Variants in THSD7B observed in about 807,000 individuals in gnomAD.
THSD7B encodes the protein thrombospondin type-1 domain-containing protein 7B.
In THSD7B, 138 loss-of-function variants were observed where a neutral mutation model predicts 213.6. That is an observed-to-expected ratio of 0.65 (90% confidence interval 0.56 to 0.74). The LOEUF is 0.74. Ranked by LOEUF, THSD7B falls within the 30% of genes least tolerant of loss-of-function variation. The pLI, the probability that THSD7B is intolerant of heterozygous loss-of-function variation, is 0.00. For synonymous variants in THSD7B, 742 were observed against 687.0 expected, an observed-to-expected ratio of 1.08 and a Z score of -1.25; for missense variants, 1,931 against 1,991.5, an observed-to-expected ratio of 0.97 and a Z score of 0.58.
intron 15 of THSD7B, 44 bp downstream of exon 15, chr2:137,451,067 C>G: frequency 6.9e-7 from 1 of 1,457,446 alleles, no homozygotes. Flanking sequence ...AAAAGCTATC[C>G]TCATTATTAT....
At chr2:137,445,122 G>T (rs1017966553) in intron 14 of THSD7B, among the ~76,000 whole-genome samples, 3 of 151,948 alleles carry the variant, frequency 2.0e-5, no homozygotes, top group African/African-American at 7.2e-5. Context: ...CTCTAGTGAG[G>T]ATATGGAAAA....
At chr2:137,283,652 A>G (rs982707225) in intron 12 of THSD7B, among the ~76,000 whole-genome samples, 5 of 152,220 alleles carry the variant, frequency 3.3e-5, no homozygotes, top group African/African-American at 1.2e-4. Context: ...ATCTGTTGAG[A>G]TAATCATGTG....
chr2:136,943,829 C>A (rs1428596686), intron 2 of THSD7B, among the ~76,000 whole-genome samples: 1 of 152,282 alleles, frequency 6.6e-6, no homozygotes, highest in East Asian at 1.9e-4. Context: ...TTTCAAAAAA[C>A]CAGCTCCTCG....
At chr2:137,590,380 G>A (rs1573729827) in intron 17 of THSD7B, among the ~76,000 whole-genome samples, 1 of 152,136 alleles carries the variant, frequency 6.6e-6, no homozygotes, top group Admixed American at 6.5e-5. Context: ...TGCAGGACAG[G>A]CATCATGGCT....
intron 2 of THSD7B, among the ~76,000 whole-genome samples, chr2:136,914,098 C>G (rs1356146213): frequency 6.6e-6 from 1 of 152,210 alleles, no homozygotes; most frequent in East Asian, 1.9e-4. Context: ...GGGAACCCAC[C>G]TCTTGCATCA....
intron 7 of THSD7B, among the ~76,000 whole-genome samples, chr2:137,202,290 G>A (rs1014245200): frequency 2.0e-5 from 3 of 152,052 alleles, no homozygotes; most frequent in African/African-American, 7.3e-5. Context: ...TAAAAATTTG[G>A]GAAAAGGGTG....
At chr2:137,309,920 G>A (rs2104858939) in intron 12 of THSD7B, among the ~76,000 whole-genome samples, 1 of 152,084 alleles carries the variant, frequency 6.6e-6, no homozygotes, top group Admixed American at 6.5e-5. Flanking sequence ...TGGACATTTG[G>A]GTTGGTTCCA....
In THSD7B at chr2:136,901,488, G is replaced by T. The variant is rs559443170; in HGVS notation, c.139+19171G>T. On this transcript the variant is annotated intron_variant, in intron 2 of 27. Transcript: ENST00000409968. Reference sequence around the variant, plus strand: ...ATGTGCTTCCTAATTGTTAAATTCTGAAGTAGACGATAAGGTCACTAAAGG... The same window carrying T: ...ATGTGCTTCCTAATTGTTAAATTCTTAAGTAGACGATAAGGTCACTAAAGG... Among the ~76,000 whole-genome samples, 14 of 152,290 alleles carry T rather than the reference G, an allele frequency of 9.2e-5. No homozygotes were observed. The East Asian group carries it at 2.7e-3, about 29-fold the overall frequency.
rs115441081 is a variant in THSD7B, at chr2:137,218,310, A to T, written c.1724-12734A>T. 6.5e-3 allele frequency among the ~76,000 whole-genome samples: 991 copies of T among 152,202 alleles called. 12 individuals carry two copies. The highest frequency in any genetic ancestry group is 0.022 in the African/African-American group (909 of 41,568). ...ATTATTGTTCTGAAGTGTTGAGGAGAATTTGACAATGATATAAAGTGATGT... is the reference window on the plus strand; with the variant it reads ...ATTATTGTTCTGAAGTGTTGAGGAGTATTTGACAATGATATAAAGTGATGT... On this transcript the variant is annotated intron_variant, in intron 7 of 27. Coordinates refer to ENST00000409968, the MANE Select transcript of THSD7B (RefSeq NM_001316349.2).
chr2:137,304,249 C>T (rs1044578498), intron 12 of THSD7B, among the ~76,000 whole-genome samples: 1 of 152,014 alleles, frequency 6.6e-6, no homozygotes, highest in Admixed American at 6.5e-5. Flanking sequence ...TCAGATTGCA[C>T]CACTAATGTC....
At chr2:137,267,333 A>G (rs1015509491) in intron 10 of THSD7B, among the ~76,000 whole-genome samples, 1 of 152,164 alleles carries the variant, frequency 6.6e-6, no homozygotes, top group African/African-American at 2.4e-5. Context: ...ATTTATTGTT[A>G]TTCTTCTTCA....
At chr2:137,300,342 A>G (rs887529887) in intron 12 of THSD7B, among the ~76,000 whole-genome samples, 5 of 152,152 alleles carry the variant, frequency 3.3e-5, no homozygotes, top group African/African-American at 1.2e-4. Context: ...GTAATTTACA[A>G]AAGGTTATGA....
chr2:136,976,087 A>G (rs1214941444), intron 2 of THSD7B, among the ~76,000 whole-genome samples: 1 of 152,168 alleles, frequency 6.6e-6, no homozygotes, highest in East Asian at 1.9e-4. Flanking sequence ...AGCTGAGACG[A>G]TGGGGTTTTC....
intron 15 of THSD7B, among the ~76,000 whole-genome samples, chr2:137,472,664 A>G (rs2105094358): frequency 6.6e-6 from 1 of 152,300 alleles, no homozygotes; most frequent in Non-Finnish European, 1.5e-5. Flanking sequence ...AGGTGGAAAA[A>G]GGAGAAGTAT....
chr2:137,353,692 A>G (rs944611476), intron 12 of THSD7B, among the ~76,000 whole-genome samples: 3 of 152,118 alleles, frequency 2.0e-5, no homozygotes, highest in Admixed American at 2.0e-4. Context: ...TTTTCTAGAC[A>G]AGATCTTATG....
At chr2:137,230,815 T>G (rs1573900754) in intron 7 of THSD7B, among the ~76,000 whole-genome samples, 2 of 152,338 alleles carry the variant, frequency 1.3e-5, no homozygotes, top group African/African-American at 4.8e-5. Flanking sequence ...AAATTGTTTC[T>G]GAAAGAAGCC....
At chr2:136,833,304 G>C (rs932048982) in intron 1 of THSD7B, among the ~76,000 whole-genome samples, 5 of 39,632 alleles carry the variant, frequency 1.3e-4, no homozygotes, top group Non-Finnish European at 2.6e-4. Context: ...GGTGGAGCTC[G>C]CAGGAGCTGA....
intron 15 of THSD7B, among the ~76,000 whole-genome samples, chr2:137,504,519 C>A (rs1332351586): frequency 6.6e-6 from 1 of 152,152 alleles, no homozygotes; most frequent in Non-Finnish European, 1.5e-5. Flanking sequence ...TAACTATGTG[C>A]TTTCAACAAG....
At chr2:137,004,606 C>G (rs542917031) in intron 2 of THSD7B, among the ~76,000 whole-genome samples, 1 of 152,144 alleles carries the variant, frequency 6.6e-6, no homozygotes, top group Non-Finnish European at 1.5e-5. Flanking sequence ...ACCAAACTTT[C>G]AAGAGATCTA....
Sources: allele counts gnomAD v4.1 joint callset (sites outside exome capture counted in the v4.1 genomes callset), GRCh38; gene constraint gnomAD v4.1.1; transcripts MANE v1.5; gene names NCBI Gene and HGNC (gene_info 2026-07-23, HGNC 2026-07-21).